Variants in NOXA1 observed in about 807,000 individuals in gnomAD.
NOXA1 encodes the protein NCF2-like protein.
A neutral mutation model predicts 64.8 loss-of-function variants in NOXA1; 56 were observed. That is an observed-to-expected ratio of 0.86 (90% CI 0.70 to 1.08). The LOEUF is 1.08. Ranked by LOEUF, NOXA1 falls within the 50% of genes least tolerant of loss-of-function variation. NOXA1 has a pLI of 0.00. For missense variants in NOXA1, 668 were observed against 658.5 expected (o/e 1.01, Z -0.16); for synonymous variants, 295 against 294.8 (o/e 1.00, Z -0.01).
Position 137,433,825 on chromosome 9 carries a change from C to CGCAGCTGCCTGCCCCAGGGGGCT in NOXA1, c.1149_1171dup (p.Gln391ProfsTer?), listed in dbSNP as rs1564242941. ...AGTCGCTGCAGAGGGCCTGGCAGGA[C>CGCAGCTGCCTGCCCCAGGGGGCT]GCAGCTGCCTGCCCCAGGGGGCTGC... is the stretch of plus-strand genomic sequence containing the variant. On this transcript the variant is annotated frameshift_variant, in exon 12 of 14. Transcript: ENST00000683555. LOFTEE classifies it high-confidence loss of function. 3.4e-6 allele frequency: 5 copies of CGCAGCTGCCTGCCCCAGGGGGCT among 1,451,466 alleles called. No individual in the cohort carries two copies. In the East Asian group the frequency reaches 7.5e-5, roughly 22 times the overall value. The allele number at this position is 1,451,466 out of a possible 1,614,324, so 89.9% of individuals were successfully genotyped here. A position where few individuals can be genotyped will look rare whatever the true frequency, so the allele number is the denominator to read the frequency against.
Position 137,431,337 on chromosome 9 carries a change from A to G in NOXA1, c.800A>G (p.Glu267Gly), listed in dbSNP as rs764734694. 22 of 1,607,366 alleles carry G rather than the reference A, an allele frequency of 1.4e-5. No individual in the cohort carries two copies. Among genetic ancestry groups the G allele is most frequent in the Non-Finnish European group, 1.9e-5 (22 of 1,179,320 alleles). ...CGCTGCACGTCGACTGCCTACCAGG[A>G]GCAGGTGCGTGGGCCTGGGCCTCTT... ...ADRCTSTAYQEQRPQVEQVGK... is the reference protein window; with the variant it reads ...ADRCTSTAYQGQRPQVEQVGK... Residue 267 changes from glutamate to glycine, a missense_variant, in exon 8 of 14, where the codon GAG becomes GGG. Coordinates refer to ENST00000683555, the MANE Select transcript of NOXA1 (RefSeq NM_001256067.2). The surrounding 1 kb of genome is among the most constrained non-coding windows in gnomAD (Gnocchi z 5.6).
At chr9:137,426,398 C>A in intron 2 of NOXA1, 68 bp downstream of exon 2, 1 of 1,194,508 alleles carries the variant, frequency 8.4e-7, no homozygotes, top group Non-Finnish European at 1.2e-6. Flanking sequence ...CACTCCTGCA[C>A]CTCCTCCTCC....
rs566580554 is a variant in NOXA1 at position 137,431,657 on chromosome 9, G to A, written c.804+316G>A. Among the ~76,000 whole-genome samples, 1 of 152,266 alleles carries A rather than the reference G, an allele frequency of 6.6e-6. No homozygotes were observed. Among genetic ancestry groups the A allele is most frequent in the South Asian group, 2.1e-4 (1 of 4,832 alleles). On this transcript the variant is annotated intron_variant, in intron 8 of 13. Transcript: ENST00000683555. This position sits in a 1 kb window ranked among gnomAD's most constrained non-coding sequence, Gnocchi z 5.6. ...TGCCCCTCCCCTCCCACTGGGGTGC[G>A]AGTGACCAGGAGTGACCCAGCTGGG...
chr9:137,427,254 T>A (rs11522288), intron 2 of NOXA1, among the ~76,000 whole-genome samples: 36,273 of 152,124 alleles, frequency 0.24, 5,042 homozygotes, highest in Non-Finnish European at 0.32. Context: ...TACGAGCAGA[T>A]GAACAGTGCT....
intron 2 of NOXA1, 27 bp downstream of exon 2, chr9:137,426,357 C>G: frequency 6.3e-7 from 1 of 1,595,628 alleles, no homozygotes; most frequent in Non-Finnish European, 8.6e-7. Context: ...CTTGTTCCTT[C>G]TCTGACGGCC....
At chr9:137,426,104 G>T (rs1838837695) in intron 1 of NOXA1, 144 bp from the exon 2 acceptor site, 2 of 724,692 alleles carry the variant, frequency 2.8e-6, no homozygotes, top group African/African-American at 3.5e-5. Context: ...GGCTCCGAAG[G>T]TTCCTGGACA....
chr9:137,430,717 G>C, intron 5 of NOXA1, 67 bp from the exon 6 acceptor site: 4 of 1,402,558 alleles, frequency 2.9e-6, no homozygotes, highest in Non-Finnish European at 3.8e-6. Flanking sequence ...ACGGTGGGGC[G>C]GGCTGCAGGG....
rs763957910 is a variant in NOXA1, at chr9:137,434,302, C to G, written c.1373C>G (p.Pro458Arg). ...FPKCFVVPAGPRMSGAPGRLP... is the reference protein window; with the variant it reads ...FPKCFVVPAGRRMSGAPGRLP... ...AAGTGCTTCGTGGTCCCCGCCGGCC[C>G]TCGGATGTCAGGAGCCCCCGGCCGC... The change falls in exon 14 of 14, where the codon CCT becomes CGT. Residue 458 changes from proline to arginine, a missense_variant. Pro to Arg is a moderately radical substitution (Grantham distance 103, BLOSUM62 -2). Transcript: ENST00000683555. 1.4e-5 allele frequency: 23 copies of G among 1,610,510 alleles called. No homozygotes were observed. Among genetic ancestry groups the G allele is most frequent in the African/African-American group, 1.3e-5 (1 of 74,908 alleles).
chr9:137,428,701 G>A (rs1299119000), intron 3 of NOXA1, among the ~76,000 whole-genome samples, 181 bp from the exon 4 acceptor site: 54 of 132,498 alleles, frequency 4.1e-4, no homozygotes, highest in African/African-American at 1.2e-3. Context: ...GTGGGGAGAC[G>A]GGGGAGAAGC....
In NOXA1 at chr9:137,434,395, AC is replaced by A. The variant is rs762375233; in HGVS notation, c.*40del. On this transcript the variant is annotated 3_prime_UTR_variant, in exon 14 of 14. Transcript: ENST00000683555. ...GTCCATGATGCTTTTAATAAAAACA[AC>A]CCCCACTGCAGTCTCACCCTCCAAG... 1.9e-5 allele frequency: 29 copies of A among 1,532,442 alleles called. No individual in the cohort carries two copies. The Admixed American group carries it at 5.5e-4, about 29-fold the overall frequency. The allele number at this position is 1,532,442 out of a possible 1,614,324, so 94.9% of individuals were successfully genotyped here.
In NOXA1 at chr9:137,431,952, T is replaced by C. The variant is rs2131890740; in HGVS notation, c.804+611T>C. Among the ~76,000 whole-genome samples, 1 of 152,288 alleles carries C rather than the reference T, an allele frequency of 6.6e-6. No individual in the cohort carries two copies. The highest frequency in any genetic ancestry group is 1.9e-4 in the East Asian group (1 of 5,186). On this transcript the variant is annotated intron_variant, in intron 8 of 13. Transcript: ENST00000683555. This position sits in a 1 kb window ranked among gnomAD's most constrained non-coding sequence, Gnocchi z 5.6. ...AAGCAGCCCCGGCACTCTCTCTTTATGGATGCCCACTTCCAGTTTAACCGT... is the reference window on the plus strand; with the variant it reads ...AAGCAGCCCCGGCACTCTCTCTTTACGGATGCCCACTTCCAGTTTAACCGT...
chr9:137,427,802 G>T (rs187625295), intron 2 of NOXA1, among the ~76,000 whole-genome samples: 14 of 152,330 alleles, frequency 9.2e-5, no homozygotes, highest in Non-Finnish European at 1.9e-4. Context: ...TCTGAGCTGG[G>T]AAAATGGTGG....
Position 137,431,510 on chromosome 9 carries a change from G to A in NOXA1, c.804+169G>A, listed in dbSNP as rs11534415. ...GCCCAGCCCAGCCAGATGGGAGGAT[G>A]CCTGGCTGTGCCCGAGGCGAGTGGG... is the stretch of plus-strand genomic sequence containing the variant. On this transcript the variant is annotated intron_variant, in intron 8 of 13. Transcript: ENST00000683555. This position sits in a 1 kb window ranked among gnomAD's most constrained non-coding sequence, Gnocchi z 5.6. Among the ~76,000 whole-genome samples the A allele has an allele frequency of 0.31, 46,621 of 152,204 alleles. 7,475 individuals are homozygous for A. Among genetic ancestry groups the A allele is most frequent in the East Asian group, 0.62 (3,218 of 5,172 alleles).
intron 5 of NOXA1, among the ~76,000 whole-genome samples, chr9:137,430,200 C>G (rs1391951478): frequency 6.6e-6 from 1 of 152,062 alleles, no homozygotes; most frequent in Non-Finnish European, 1.5e-5. Flanking sequence ...GCAGGGGCTG[C>G]AGTCCGACGG....
At chr9:137,425,949 C>T (rs1838831981) in intron 1 of NOXA1, among the ~76,000 whole-genome samples, 1 of 152,036 alleles carries the variant, frequency 6.6e-6, no homozygotes, top group South Asian at 2.1e-4. Flanking sequence ...TATTAACATA[C>T]TGGAACACTT....
intron 5 of NOXA1, among the ~76,000 whole-genome samples, chr9:137,430,413 A>G (rs781203085): frequency 6.6e-6 from 1 of 152,114 alleles, no homozygotes; most frequent in Non-Finnish European, 1.5e-5. Flanking sequence ...CCCCTCGGTC[A>G]CCTGCGCTGC....
intron 2 of NOXA1, among the ~76,000 whole-genome samples, 182 bp from the exon 3 acceptor site, chr9:137,427,851 A>T (rs1051301653): frequency 6.6e-6 from 1 of 152,160 alleles, no homozygotes; most frequent in Non-Finnish European, 1.5e-5. Context: ...CACTCAGCAC[A>T]CATGTGCATG....
In NOXA1 at chr9:137,431,102, T is replaced by G. The variant is rs148308245; in HGVS notation, c.698+2T>G. 834 of 1,612,972 alleles carry G rather than the reference T, an allele frequency of 5.2e-4. No individual in the cohort carries two copies. Among genetic ancestry groups the G allele is most frequent in the Middle Eastern group, 8.2e-4 (5 of 6,082 alleles). On this transcript the variant is annotated splice_donor_variant, in intron 7 of 13. Transcript: ENST00000683555. LOFTEE classifies it high-confidence loss of function. The surrounding 1 kb of genome is among the most constrained non-coding windows in gnomAD (Gnocchi z 5.6). ...ACCAGGAGCGAACCATGATGCCAGG[T>G]AGGAGGGGCTGACTGGGCCCTGCGA...
In NOXA1 at chr9:137,423,470, C is replaced by T. The variant is rs1838660789; in HGVS notation, c.-60C>T. ...CCCGCAGCCCCGCGCCGCCGCCTGG[C>T]CCCGGCCCCGGCCCCTCCGCGGGAT... is the stretch of plus-strand genomic sequence containing the variant. On this transcript the variant is annotated 5_prime_UTR_variant, in exon 1 of 14. Transcript: ENST00000683555. The T allele has an allele frequency of 1.8e-5, 20 of 1,126,952 alleles. No individual in the cohort carries two copies. In the South Asian group the frequency reaches 6.0e-4, roughly 34 times the overall value. 69.8% of individuals were successfully genotyped at this position (1,126,952 alleles called of 1,614,324 possible). A position where few individuals can be genotyped will look rare whatever the true frequency, so the allele number is the denominator to read the frequency against.
Sources: gnomAD v4.1 joint callset for allele counts (sites outside exome capture counted in the v4.1 genomes callset) on GRCh38, gnomAD v4.1.1 for gene constraint, Gnocchi (gnomAD v3.1) non-coding constraint, MANE v1.5 for transcripts, NCBI Gene and HGNC (gene_info 2026-07-23, HGNC 2026-07-21) for gene names.